Variants in HIVEP1 observed in about 807,000 individuals in gnomAD.
HIVEP1 encodes the protein HIVEP zinc finger 1, also known as zinc finger protein 40.
Under a neutral mutation model 180.0 loss-of-function variants are expected in HIVEP1, and 36 were observed. The ratio of observed to expected loss-of-function variants is 0.20; its 90% CI spans 0.15 to 0.26. The LOEUF is 0.26. HIVEP1 is among the 10% of genes least tolerant of loss of function. HIVEP1 has a pLI of 1.00. For synonymous variants in HIVEP1, 1,239 were observed against 1,239.0 expected (o/e 1.00, Z 0.00); for missense variants, 3,143 against 3,268.7 (o/e 0.96, Z 0.94).
intron 3 of HIVEP1, among the ~76,000 whole-genome samples, chr6:12,102,195 T>C (rs891447504): frequency 6.6e-6 from 1 of 152,142 alleles, no homozygotes; most frequent in Non-Finnish European, 1.5e-5. Flanking sequence ...TGGAATCTTC[T>C]AGACAGAAGG....
At chr6:12,129,604 A>T (rs1247515179) in intron 4 of HIVEP1, 155 bp from the exon 5 acceptor site, 11 of 709,636 alleles carry the variant, frequency 1.6e-5, no homozygotes, top group Non-Finnish European at 1.8e-5. Context: ...ATAAGGGAGG[A>T]GATAAAGTAA....
chr6:12,118,626 C>T (rs1238994322), intron 3 of HIVEP1, among the ~76,000 whole-genome samples: 1 of 152,170 alleles, frequency 6.6e-6, no homozygotes, highest in African/African-American at 2.4e-5. Context: ...ACCTGCCCTA[C>T]CTATTGCTAA....
chr6:12,044,451 C>T (rs535446546), intron 2 of HIVEP1, among the ~76,000 whole-genome samples: 3 of 152,172 alleles, frequency 2.0e-5, no homozygotes, highest in Non-Finnish European at 4.4e-5. Context: ...ACCATCCTAT[C>T]GCCCTGTTAA....
chr6:12,054,224 C>T (rs912628091), intron 2 of HIVEP1, among the ~76,000 whole-genome samples: 2 of 152,072 alleles, frequency 1.3e-5, no homozygotes, highest in East Asian at 3.8e-4. Context: ...GGATTGATAC[C>T]AAGGTTTATG....
intron 7 of HIVEP1, 106 bp downstream of exon 7, chr6:12,135,998 T>C: frequency 1.6e-6 from 1 of 622,318 alleles, no homozygotes; most frequent in Admixed American, 2.8e-5. Context: ...CTGTTTTCAT[T>C]ACCTCTTATT....
chr6:12,184,854 C>T, the HIVEP1 span, among the ~76,000 whole-genome samples: 1 of 152,122 alleles, frequency 6.6e-6, no homozygotes, highest in Non-Finnish European at 1.5e-5. Context: ...ATAAAACTTT[C>T]CTAGGAGAAG....
chr6:12,186,434 G>A, the HIVEP1 span, among the ~76,000 whole-genome samples: 1 of 151,370 alleles, frequency 6.6e-6, no homozygotes, highest in African/African-American at 2.4e-5. Context: ...GATAAGAATT[G>A]AAATTGACTG....
At chr6:12,077,051 C>G (rs1354413614) in intron 2 of HIVEP1, among the ~76,000 whole-genome samples, 1 of 151,984 alleles carries the variant, frequency 6.6e-6, no homozygotes, top group African/African-American at 2.4e-5. Flanking sequence ...CTTACAAAGC[C>G]CCAGGAGGAG....
At chr6:12,098,597 A>C (rs747932776) in intron 3 of HIVEP1, among the ~76,000 whole-genome samples, 1 of 152,206 alleles carries the variant, frequency 6.6e-6, no homozygotes, top group Non-Finnish European at 1.5e-5. Context: ...AAGCTTGTAT[A>C]TATTTTGCCT....
the HIVEP1 span, among the ~76,000 whole-genome samples, chr6:12,211,394 T>A: frequency 2.3e-5 from 2 of 87,120 alleles, no homozygotes. Flanking sequence ...AGCGAGACTC[T>A]GTCTCAAAAA....
chr6:12,133,267 A>G (rs144004978), intron 6 of HIVEP1, among the ~76,000 whole-genome samples: 1 of 152,342 alleles, frequency 6.6e-6, no homozygotes, highest in Admixed American at 6.5e-5. Flanking sequence ...AAGGTCAGTC[A>G]GCAGAAAACA....
At chr6:12,206,582 G>C in the HIVEP1 span, among the ~76,000 whole-genome samples, 1 of 152,166 alleles carries the variant, frequency 6.6e-6, no homozygotes, top group Non-Finnish European at 1.5e-5. Flanking sequence ...TCCTTCCCTG[G>C]CATCTTTAGA....
chr6:12,167,888 ATG>A (rs1342574421), downstream of HIVEP1, among the ~76,000 whole-genome samples: 3 of 143,122 alleles, frequency 2.1e-5, no homozygotes, highest in Non-Finnish European at 3.0e-5. Flanking sequence ...ACATGTATAG[ATG>A]TGCGTATATA....
At chr6:12,048,942 A>C (rs1770314140) in intron 2 of HIVEP1, among the ~76,000 whole-genome samples, 1 of 152,202 alleles carries the variant, frequency 6.6e-6, no homozygotes, top group South Asian at 2.1e-4. Flanking sequence ...ATGCATTTTA[A>C]TATGATGTTA....
intron 2 of HIVEP1, among the ~76,000 whole-genome samples, chr6:12,064,569 A>G (rs963414175): frequency 6.6e-6 from 1 of 152,158 alleles, no homozygotes; most frequent in Non-Finnish European, 1.5e-5. Context: ...ATGTATCTGC[A>G]TGTGTCTGTC....
intron 5 of HIVEP1, among the ~76,000 whole-genome samples, chr6:12,130,094 GA>G (rs1758336539): frequency 6.6e-6 from 1 of 151,968 alleles, no homozygotes; most frequent in Non-Finnish European, 1.5e-5. Context: ...GACTATTTGG[GA>G]AATACTGTAC....
intron 2 of HIVEP1, among the ~76,000 whole-genome samples, chr6:12,073,997 T>G (rs1242878764): frequency 6.6e-6 from 1 of 152,210 alleles, no homozygotes; most frequent in Admixed American, 6.5e-5. Flanking sequence ...AGTAGATTGA[T>G]TGGAGTGGGT....
chr6:12,069,809 T>C (rs1771848557), intron 2 of HIVEP1, among the ~76,000 whole-genome samples: 1 of 151,978 alleles, frequency 6.6e-6, no homozygotes, highest in African/African-American at 2.4e-5. Flanking sequence ...CTTTTAATTT[T>C]TAACTTTTTG....
rs528100615 is a variant in HIVEP1, at chr6:12,066,588, G to A, written c.41-22596G>A. 7.2e-5 allele frequency among the ~76,000 whole-genome samples: 11 copies of A among 152,318 alleles called. No homozygotes were observed. In the South Asian group the frequency reaches 2.3e-3, roughly 32 times the overall value. ...GGACTTAGCCAAGTACTTCCTTTGT[G>A]AAAGAAATGACACTTGTTCATTGTT... On this transcript the variant is annotated intron_variant, in intron 2 of 8. Transcript: ENST00000379388.
Sources: gnomAD v4.1 joint callset for allele counts (sites outside exome capture counted in the v4.1 genomes callset) on GRCh38, gnomAD v4.1.1 for gene constraint, MANE v1.5 for transcripts, NCBI Gene and HGNC (gene_info 2026-07-23, HGNC 2026-07-21) for gene names.